Variants in MNT observed in about 807,000 individuals in gnomAD.
The protein encoded by MNT is MAX network transcriptional repressor, also known as max-binding protein MNT.
In MNT, 13 loss-of-function variants were observed where a neutral mutation model predicts 40.7. The ratio of observed to expected loss-of-function variants is 0.32; its 90% confidence interval spans 0.21 to 0.51. MNT has a LOEUF of 0.51. Among genes scored for constraint, MNT ranks in the 20% least tolerant of loss-of-function variants. MNT has a pLI of 0.98. For missense variants in MNT, 757 were observed against 792.0 expected (o/e 0.96, Z 0.53); for synonymous variants, 426 against 354.8 (o/e 1.20, Z -2.26).
intron 1 of MNT, among the ~76,000 whole-genome samples, chr17:2,399,011 C>G (rs865824865): frequency 6.6e-6 from 1 of 151,666 alleles, no homozygotes; most frequent in African/African-American, 2.4e-5. Flanking sequence ...TCCCCCCTTC[C>G]CCCACCCCCG....
rs757643358 is a variant in MNT, at chr17:2,387,305, C to T, written c.1345G>A (p.Ala449Thr). 5.0e-6 allele frequency: 8 copies of T among 1,613,248 alleles called. No individual in the cohort carries two copies. The highest frequency in any genetic ancestry group is 4.4e-5 in the South Asian group (4 of 90,870). Residue 449 changes from alanine (A) to threonine (T), a missense_variant, in exon 6 of 6, where the codon GCT (alanine) becomes ACT (threonine). Transcript: ENST00000174618. ...TGGTTCACAGTCTGGATGACTGAAG[C>T]GTGAGTGGTGGCTGTGTGGGCGATG... ...TVIAHTATTH[A>T]SVIQTVNHVL... is the part of the protein sequence containing the mutation.
chr17:2,387,687 C>T (rs368913191), intron 5 of MNT, 38 bp from the exon 6 acceptor site: 45 of 1,607,240 alleles, frequency 2.8e-5, no homozygotes, highest in African/African-American at 5.4e-5. Context: ...GTCAGAAGGG[C>T]GGGGAAGCAA....
chr17:2,388,237 G>A (rs1000683026), intron 4 of MNT, 188 bp from the exon 5 acceptor site: 8 of 571,022 alleles, frequency 1.4e-5, no homozygotes, highest in African/African-American at 1.1e-4. Context: ...GAGGCCCAGC[G>A]TCCCAAGGAG....
chr17:2,387,717 C>T, intron 5 of MNT, 68 bp from the exon 6 acceptor site: 1 of 1,586,812 alleles, frequency 6.3e-7, no homozygotes, highest in Non-Finnish European at 8.6e-7. Flanking sequence ...GGCGTAGATG[C>T]TCGTGGGGGC....
rs772517951 is a variant in MNT at position 2,395,101 on chromosome 17, C to A, written c.427G>T (p.Val143Leu). Residue 143 changes from valine to leucine, a missense_variant, in exon 2 of 6, where the codon GTG (valine) becomes TTG (leucine). Physicochemically the swap from Val to Leu is conservative, Grantham distance 32. Transcript: ENST00000174618. ...GGCAGTAGGGGAGCAGGGGTGGGCA[C>A]CTGCGGCCTGCTGGGCAGGGGGGCA... ...EPAPLPSRPQVPTPAPLLPDS... is the reference protein window; with the variant it reads ...EPAPLPSRPQLPTPAPLLPDS... 1.1e-5 allele frequency: 17 copies of A among 1,499,064 alleles called. No individual in the cohort carries two copies. The highest frequency in any genetic ancestry group is 4.7e-5 in the Admixed American group (2 of 42,406). 92.9% of individuals were successfully genotyped at this position (1,499,064 alleles called of 1,614,324 possible). A position where few individuals can be genotyped will look rare whatever the true frequency, so the allele number is the denominator to read the frequency against.
Position 2,384,148 on chromosome 17 carries a change from G to A in MNT, c.*2753C>T, listed in dbSNP as rs554822452. The A allele has an allele frequency of 6.6e-6, 1 of 152,352 alleles. No individual in the cohort carries two copies. Among genetic ancestry groups the A allele is most frequent in the African/African-American group, 2.4e-5 (1 of 41,330 alleles). The allele number at this position is 152,352 out of a possible 1,614,324, so 9.4% of individuals were successfully genotyped here. ...TGCTTATTACATGGATAGTATTCAT[G>A]TCTCGGTAACTAAAGTCTTGGAGCA... On this transcript the variant is annotated 3_prime_UTR_variant, in exon 6 of 6. Transcript: ENST00000174618.
rs769865972 is a variant in MNT at position 2,387,629 on chromosome 17, C to T, written c.1021G>A (p.Glu341Lys). The change falls in exon 6 of 6, where the codon GAG (glutamate) becomes AAG (lysine). Residue 341 changes from glutamate (E) to lysine (K), a missense_variant. Physicochemically the swap from Glu to Lys is moderately conservative, Grantham distance 56. This residue lies in a region of MNT where 345 missense variants were observed against 380.1 expected (regional missense o/e 0.91). Transcript: ENST00000174618. ...CCCGCCCGGTCCTCCTCCATATCCTCGTCTATGTTGTCCTCACCCTCTGTG... is the reference window on the plus strand; with the variant it reads ...CCCGCCCGGTCCTCCTCCATATCCTTGTCTATGTTGTCCTCACCCTCTGTG... The part of the protein sequence containing the change: ...TASEGEDNID[E>K]DMEEDRAGLG... 20 of 1,613,902 alleles carry T rather than the reference C, an allele frequency of 1.2e-5. No homozygotes were observed. Among genetic ancestry groups the T allele is most frequent in the Admixed American group, 1.7e-5 (1 of 59,990 alleles).
At position 2,385,030 on chromosome 17, in the gene MNT, A is replaced by T. The variant is rs2066446455; in HGVS notation, c.*1871T>A. ...CTGCCATCGCTGTCACAATGGGAAT[A>T]GCAAAGCTGGCTCTCCCAGAGCCAC... is the stretch of plus-strand genomic sequence containing the variant. On this transcript the variant is annotated 3_prime_UTR_variant, in exon 6 of 6. Coordinates refer to ENST00000174618, the MANE Select transcript of MNT (RefSeq NM_020310.3). The T allele has an allele frequency of 6.6e-6, 1 of 152,248 alleles. No individual in the cohort carries two copies. The highest frequency in any genetic ancestry group is 2.4e-5 in the African/African-American group (1 of 41,410). The allele number at this position is 152,248 out of a possible 1,614,324, so 9.4% of individuals were successfully genotyped here.
rs2066482993 is a variant in MNT, at chr17:2,388,062, G to A, written c.808-13C>T. ...TCCTCTTCAGGGACTGGCACACAGA[G>A]TAAGGGACAGCAGGACACCCTGAGC... On this transcript the variant is annotated splice_polypyrimidine_tract_variant and intron_variant, in intron 4 of 5. Transcript: ENST00000174618. The A allele has an allele frequency of 8.4e-6, 13 of 1,548,586 alleles. No homozygotes were observed. Among genetic ancestry groups the A allele is most frequent in the African/African-American group, 1.4e-5 (1 of 73,218 alleles).
intron 1 of MNT, among the ~76,000 whole-genome samples, chr17:2,399,878 G>T (rs1292395129): frequency 6.6e-6 from 1 of 152,196 alleles, no homozygotes; most frequent in East Asian, 1.9e-4. Context: ...GCGCAGCGAG[G>T]GGGGCCCGGG....
intron 4 of MNT, 32 bp from the exon 5 acceptor site, chr17:2,388,081 C>T: frequency 6.6e-7 from 1 of 1,525,684 alleles, no homozygotes; most frequent in South Asian, 1.2e-5. Flanking sequence ...AGCAGGACAC[C>T]CTGAGCAGCA....
intron 1 of MNT, among the ~76,000 whole-genome samples, chr17:2,398,101 C>T (rs2066589324): frequency 2.0e-5 from 3 of 152,246 alleles, no homozygotes; most frequent in Admixed American, 2.0e-4. Flanking sequence ...AGGAATTCTC[C>T]CATCTGCACG....
intron 2 of MNT, among the ~76,000 whole-genome samples, 186 bp from the exon 3 acceptor site, chr17:2,394,532 TCA>T (rs1452844232): frequency 6.6e-6 from 1 of 152,030 alleles, no homozygotes; most frequent in Non-Finnish European, 1.5e-5. Flanking sequence ...GTGCTCATAA[TCA>T]CAACTCCTGT....
Position 2,395,297 on chromosome 17 carries a change from TG to T in MNT, c.230del (p.Pro77HisfsTer10). On this transcript the variant is annotated frameshift_variant, in exon 2 of 6. Transcript: ENST00000174618. LOFTEE classifies it high-confidence loss of function. ...GTGGGGCAGGGGTGGCAAGTGGTGGTGGGGGTGCCGGCGGGGGAGCCGGTGG... is the reference window on the plus strand; with the variant it reads ...GTGGGGCAGGGGTGGCAAGTGGTGGTGGGGTGCCGGCGGGGGAGCCGGTGG... ...LSPPAPPPAP[P>X]PPLATPAPLT... is the part of the protein sequence containing the mutation. 1 of 1,107,154 alleles carries T rather than the reference TG, an allele frequency of 9.0e-7. No individual in the cohort carries two copies. The allele number at this position is 1,107,154 out of a possible 1,614,324, so 68.6% of individuals were successfully genotyped here. A position where few individuals can be genotyped will look rare whatever the true frequency, so the allele number is the denominator to read the frequency against.
intron 1 of MNT, among the ~76,000 whole-genome samples, chr17:2,395,846 G>A (rs992398565): frequency 8.5e-5 from 13 of 152,166 alleles, no homozygotes; most frequent in Non-Finnish European, 1.8e-4. Context: ...GGACCACAGG[G>A]CCGAGGTGGG....
chr17:2,399,888 G>A (rs773196626), intron 1 of MNT, among the ~76,000 whole-genome samples: 102 of 152,342 alleles, frequency 6.7e-4, no homozygotes, highest in Non-Finnish European at 1.1e-3. Context: ...GGGGGCCCGG[G>A]GGCTGACCCC....
intron 1 of MNT, among the ~76,000 whole-genome samples, chr17:2,399,864 C>G (rs1351195755): frequency 6.6e-6 from 1 of 152,092 alleles, no homozygotes; most frequent in African/African-American, 2.4e-5. Flanking sequence ...CTGGCTAAAG[C>G]GGGGCGCAGC....
chr17:2,393,616 C>G (rs186600315), intron 4 of MNT: 1 of 152,698 alleles, frequency 6.5e-6, no homozygotes, highest in African/African-American at 2.4e-5. Flanking sequence ...CCAACCCTCC[C>G]CGCAGATAGC....
chr17:2,395,287 C>T lies in MNT; in HGVS notation c.241G>A (p.Ala81Thr). Reference protein sequence around the residue: ...APPPAPPPPLATPAPLTVIPI... With the variant: ...APPPAPPPPLTTPAPLTVIPI... ...ATGACAGTCAGTGGGGCAGGGGTGG[C>T]AAGTGGTGGTGGGGGTGCCGGCGGG... The change falls in exon 2 of 6, where the codon GCC (alanine) becomes ACC (threonine). Residue 81 changes from alanine (A) to threonine (T), a missense_variant. By Grantham distance (58) the Ala-to-Thr change is moderately conservative. Coordinates refer to ENST00000174618, the MANE Select transcript of MNT (RefSeq NM_020310.3). 1 of 1,483,018 alleles carries T rather than the reference C, an allele frequency of 6.7e-7. No homozygotes were observed. Among genetic ancestry groups the T allele is most frequent in the Non-Finnish European group, 9.2e-7 (1 of 1,087,026 alleles). 91.9% of individuals were successfully genotyped at this position (1,483,018 alleles called of 1,614,324 possible).
Sources: gnomAD v4.1 joint callset for allele counts (sites outside exome capture counted in the v4.1 genomes callset) on GRCh38, gnomAD v4.1.1 for gene constraint, gnomAD v4.1.1 regional missense constraint, MANE v1.5 for transcripts, NCBI Gene and HGNC (gene_info 2026-07-23, HGNC 2026-07-21) for gene names.